MRPS28: variants seen among roughly 807,000 people sequenced by gnomAD.
The protein encoded by MRPS28 is mitochondrial ribosomal protein S28.
In MRPS28, 7 loss-of-function variants were observed where a neutral mutation model predicts 10.8. The ratio of observed to expected loss-of-function variants is 0.65; its 90% CI spans 0.37 to 1.22. The LOEUF (loss-of-function observed/expected upper bound fraction) is 1.22. Ranked by LOEUF, MRPS28 falls within the 50% of genes most tolerant of loss-of-function variation. The probability of loss-of-function intolerance (pLI) is 0.02; values close to 1 mark genes in which losing one functional copy is unlikely to be tolerated. For missense variants in MRPS28, 265 were observed against 232.9 expected (o/e 1.14, Z -0.90); for synonymous variants, 121 against 93.3 (o/e 1.30, Z -1.71).
intron 1 of MRPS28, among the ~76,000 whole-genome samples, chr8:80,016,046 T>C (rs1809185991): frequency 6.6e-6 from 1 of 152,094 alleles, no homozygotes; most frequent in South Asian, 2.1e-4. Context: ...TCAAGAACTT[T>C]GGGACAACTA....
At chr8:79,943,583 AGT>A in intron 2 of MRPS28, among the ~76,000 whole-genome samples, 1 of 152,330 alleles carries the variant, frequency 6.6e-6, no homozygotes, top group Non-Finnish European at 1.5e-5. Context: ...CATATTAAAC[AGT>A]GTTATAATGT....
chr8:80,005,998 A>C (rs978309878), intron 1 of MRPS28, among the ~76,000 whole-genome samples: 9 of 152,174 alleles, frequency 5.9e-5, no homozygotes, highest in African/African-American at 2.2e-4. Flanking sequence ...GTCCTTAGAG[A>C]CCTACAAAGA....
chr8:79,928,600 T>C (rs1206244607), intron 2 of MRPS28, among the ~76,000 whole-genome samples: 1 of 151,840 alleles, frequency 6.6e-6, no homozygotes, highest in Non-Finnish European at 1.5e-5. Flanking sequence ...CTACCACACC[T>C]GGCTAATTTT....
intron 2 of MRPS28, among the ~76,000 whole-genome samples, chr8:79,948,570 G>T (rs1418077415): frequency 1.3e-5 from 2 of 151,102 alleles, no homozygotes; most frequent in East Asian, 3.8e-4. Context: ...AAATATCAAG[G>T]CTTTCACAGC....
chr8:79,992,061 C>A (rs2130124679), intron 2 of MRPS28, among the ~76,000 whole-genome samples: 1 of 152,224 alleles, frequency 6.6e-6, no homozygotes, highest in Non-Finnish European at 1.5e-5. Flanking sequence ...CTGCCAATAA[C>A]CAGCACTAAC....
intron 1 of MRPS28, among the ~76,000 whole-genome samples, chr8:80,018,201 G>A (rs894540643): frequency 6.8e-6 from 1 of 146,468 alleles, no homozygotes; most frequent in Non-Finnish European, 1.5e-5. Context: ...GCTGAGGCGG[G>A]AGAATGGCAT....
At chr8:79,941,079 A>G (rs1806754825) in intron 2 of MRPS28, among the ~76,000 whole-genome samples, 1 of 152,186 alleles carries the variant, frequency 6.6e-6, no homozygotes, top group African/African-American at 2.4e-5. Context: ...TGAGGCCAGG[A>G]GTTTGAAACC....
At chr8:80,004,138 G>A (rs561038165) in intron 1 of MRPS28, among the ~76,000 whole-genome samples, 1 of 152,214 alleles carries the variant, frequency 6.6e-6, no homozygotes, top group Admixed American at 6.5e-5. Context: ...GAAGAGAGTA[G>A]TGGTTCTCCC....
At chr8:79,992,256 T>C (rs985374965) in intron 2 of MRPS28, among the ~76,000 whole-genome samples, 1 of 152,232 alleles carries the variant, frequency 6.6e-6, no homozygotes, top group East Asian at 1.9e-4. Flanking sequence ...TACATGTTTA[T>C]TGTTTTAAGC....
At chr8:79,997,803 C>T (rs1028105999) in intron 2 of MRPS28, among the ~76,000 whole-genome samples, 15 of 152,050 alleles carry the variant, frequency 9.9e-5, no homozygotes, top group African/African-American at 3.4e-4. Context: ...GCCTGTAATC[C>T]CAGCACTTTG....
intron 2 of MRPS28, among the ~76,000 whole-genome samples, chr8:79,958,728 A>G (rs1171154393): frequency 6.6e-6 from 1 of 152,178 alleles, no homozygotes; most frequent in Non-Finnish European, 1.5e-5. Flanking sequence ...ATGTGTGCTC[A>G]ACACAACAAA....
At chr8:79,919,721 G>A (rs902649799) in intron 2 of MRPS28, among the ~76,000 whole-genome samples, 3 of 152,200 alleles carry the variant, frequency 2.0e-5, no homozygotes, top group Admixed American at 6.5e-5. Context: ...ACTGGTGTTT[G>A]CTTTAATTTG....
chr8:79,928,881 A>G (rs1383762503), intron 2 of MRPS28, among the ~76,000 whole-genome samples: 1 of 152,000 alleles, frequency 6.6e-6, no homozygotes, highest in Non-Finnish European at 1.5e-5. Flanking sequence ...CCCTGTCTCT[A>G]CTAAAAATAC....
At chr8:79,939,994 AAT>A (rs1472473679) in intron 2 of MRPS28, among the ~76,000 whole-genome samples, 1 of 151,254 alleles carries the variant, frequency 6.6e-6, no homozygotes, top group Non-Finnish European at 1.5e-5. Flanking sequence ...AAAAAAAAGA[AAT>A]ATATATCAAT....
intron 2 of MRPS28, among the ~76,000 whole-genome samples, chr8:79,959,890 C>G (rs1004311410): frequency 6.6e-6 from 1 of 152,094 alleles, no homozygotes; most frequent in Non-Finnish European, 1.5e-5. Context: ...AAGAAAGCAA[C>G]AATAAACTAT....
intron 2 of MRPS28, among the ~76,000 whole-genome samples, chr8:79,921,128 C>T (rs995102106): frequency 3.3e-5 from 5 of 151,476 alleles, no homozygotes; most frequent in South Asian, 2.1e-4. Context: ...CTGAGGGCTC[C>T]ATTCTGTTCC....
At chr8:80,016,209 A>G (rs936164949) in intron 1 of MRPS28, among the ~76,000 whole-genome samples, 4 of 152,146 alleles carry the variant, frequency 2.6e-5, no homozygotes, top group Non-Finnish European at 5.9e-5. Context: ...ACCAGAATAA[A>G]CACCAAAAAC....
intron 1 of MRPS28, among the ~76,000 whole-genome samples, chr8:80,017,217 C>G (rs958914231): frequency 4.6e-5 from 7 of 151,948 alleles, no homozygotes; most frequent in Non-Finnish European, 7.4e-5. Context: ...AAACAAATCT[C>G]AAGAGAAATT....
chr8:79,941,527 T>TA (rs1456083833), intron 2 of MRPS28, among the ~76,000 whole-genome samples: 2 of 152,208 alleles, frequency 1.3e-5, no homozygotes, highest in Non-Finnish European at 2.9e-5. Flanking sequence ...AAGTATAGTA[T>TA]AAAAATTATA....
Sources: allele counts gnomAD v4.1 joint callset (sites outside exome capture counted in the v4.1 genomes callset), GRCh38; gene constraint gnomAD v4.1.1; transcripts MANE v1.5; gene names NCBI Gene and HGNC (gene_info 2026-07-23, HGNC 2026-07-21).